Variants in UNC5D observed in about 807,000 individuals in gnomAD.
The protein encoded by UNC5D is unc-5 netrin receptor D.
UNC5D carries 39 observed loss-of-function variants against 105.4 expected under a neutral mutation model. The ratio of observed to expected loss-of-function variants is 0.37; its 90% CI spans 0.29 to 0.48. The LOEUF is 0.48. Ranked by LOEUF, UNC5D falls within the 20% of genes least tolerant of loss-of-function variation. The pLI, the probability that UNC5D is intolerant of heterozygous loss-of-function variation, is 0.98. For missense variants in UNC5D, 991 were observed against 1,202.4 expected, an observed-to-expected ratio of 0.82 and a Z score of 2.60; for synonymous variants, 452 against 450.4, an observed-to-expected ratio of 1.00 and a Z score of -0.04.
intron 1 of UNC5D, among the ~76,000 whole-genome samples, chr8:35,296,972 C>G (rs2128867257): frequency 6.6e-6 from 1 of 152,256 alleles, no homozygotes; most frequent in South Asian, 2.1e-4. Flanking sequence ...TAACAGATTT[C>G]TTAAAGTTGA....
intron 11 of UNC5D, among the ~76,000 whole-genome samples, chr8:35,740,778 A>G (rs1208044600): frequency 6.6e-6 from 1 of 152,164 alleles, no homozygotes; most frequent in Non-Finnish European, 1.5e-5. Flanking sequence ...CCAGCTCTGC[A>G]AAGTTGAGAT....
At chr8:35,762,810 G>A (rs1801599348) in intron 14 of UNC5D, among the ~76,000 whole-genome samples, 1 of 152,132 alleles carries the variant, frequency 6.6e-6, no homozygotes, top group South Asian at 2.1e-4. Flanking sequence ...ACAAAGTCAA[G>A]TTGTCACCTC....
chr8:35,750,991 T>C (rs1016929499), intron 13 of UNC5D, among the ~76,000 whole-genome samples, 182 bp downstream of exon 13: 2 of 152,074 alleles, frequency 1.3e-5, no homozygotes, highest in Non-Finnish European at 2.9e-5. Flanking sequence ...GACAGAGGAA[T>C]TGCAATAAAG....
chr8:35,603,761 T>G (rs1307144125), intron 4 of UNC5D, among the ~76,000 whole-genome samples: 4 of 152,158 alleles, frequency 2.6e-5, no homozygotes. Flanking sequence ...GGATAGTTAG[T>G]TCTTCTTGTT....
Position 35,549,388 on chromosome 8 carries a change from A to G in UNC5D, c.200A>G (p.Lys67Arg), listed in dbSNP as rs747568492. 17 of 1,613,440 alleles carry G rather than the reference A, an allele frequency of 1.1e-5. No individual in the cohort carries two copies. ...GAGCCAGATGATGCTTATATTATCA[A>G]GAGCAACCCTATTGCACTCAGGTGC... ...IEEPDDAYIIKSNPIALRCKA... is the reference protein window; with the variant it reads ...IEEPDDAYIIRSNPIALRCKA... The change falls in exon 2 of 17, where the codon AAG becomes AGG. Residue 67 changes from lysine (K) to arginine (R), a missense_variant. Physicochemically the swap from Lys to Arg is conservative, Grantham distance 26 (BLOSUM62 2). Coordinates refer to ENST00000404895, the MANE Select transcript of UNC5D (RefSeq NM_080872.4).
intron 7 of UNC5D, among the ~76,000 whole-genome samples, chr8:35,705,091 C>T (rs756624281): frequency 2.4e-4 from 36 of 151,842 alleles, no homozygotes; most frequent in Non-Finnish European, 5.0e-4. Flanking sequence ...CAGCCTCCCG[C>T]GTAGCTGGGA....
chr8:35,606,812 A>G (rs1820325201), intron 4 of UNC5D, among the ~76,000 whole-genome samples: 1 of 152,238 alleles, frequency 6.6e-6, no homozygotes, highest in African/African-American at 2.4e-5. Context: ...AGCCACCCAC[A>G]CTGAAGCATC....
At chr8:35,570,465 T>C (rs1269216211) in intron 3 of UNC5D, among the ~76,000 whole-genome samples, 2 of 152,238 alleles carry the variant, frequency 1.3e-5, no homozygotes, top group African/African-American at 2.4e-5. Context: ...CATCGGCTAT[T>C]ATTTTATGAT....
chr8:35,482,127 T>C (rs1810520821), intron 1 of UNC5D, among the ~76,000 whole-genome samples: 1 of 152,236 alleles, frequency 6.6e-6, no homozygotes. Flanking sequence ...CTAGACTGAA[T>C]AGCGAACATC....
chr8:35,504,734 A>C (rs2130280334), intron 1 of UNC5D, among the ~76,000 whole-genome samples: 1 of 152,260 alleles, frequency 6.6e-6, no homozygotes, highest in Non-Finnish European at 1.5e-5. Context: ...TTTTTCTAAA[A>C]TGTTTGATGT....
At position 35,796,155 on chromosome 8, in the gene UNC5D, T is replaced by A. The variant is rs1300912430; in HGVS notation, c.*5592T>A. On this transcript the variant is annotated 3_prime_UTR_variant, in exon 17 of 17. Coordinates refer to ENST00000404895, the MANE Select transcript of UNC5D (RefSeq NM_080872.4). ...GCAGGGCTGAACACTTAATTTGACATGAAGCTGAAGGACTGAGCAAGCCAG... is the reference window on the plus strand; with the variant it reads ...GCAGGGCTGAACACTTAATTTGACAAGAAGCTGAAGGACTGAGCAAGCCAG... 6.6e-6 allele frequency: 1 copy of A among 152,094 alleles called. No individual in the cohort carries two copies. Among genetic ancestry groups the A allele is most frequent in the African/African-American group, 2.4e-5 (1 of 41,416 alleles). 9.4% of individuals were successfully genotyped at this position (152,094 alleles called of 1,614,324 possible).
chr8:35,370,717 T>A (rs925469904), intron 1 of UNC5D, among the ~76,000 whole-genome samples: 4 of 152,202 alleles, frequency 2.6e-5, no homozygotes, highest in African/African-American at 9.6e-5. Context: ...CTATTCTGTT[T>A]GTTGGTATGG....
At chr8:35,341,295 G>A (rs549417823) in intron 1 of UNC5D, among the ~76,000 whole-genome samples, 3 of 152,082 alleles carry the variant, frequency 2.0e-5, no homozygotes, top group Non-Finnish European at 4.4e-5. Flanking sequence ...GGAAAAAAAG[G>A]CATGACCTAC....
At chr8:35,765,685 A>G (rs1801734024) in intron 14 of UNC5D, among the ~76,000 whole-genome samples, 1 of 152,162 alleles carries the variant, frequency 6.6e-6, no homozygotes, top group Non-Finnish European at 1.5e-5. Context: ...AGGGCTCGGG[A>G]ATAACTAGGT....
intron 1 of UNC5D, among the ~76,000 whole-genome samples, chr8:35,509,382 C>T (rs931980473): frequency 8.0e-5 from 12 of 150,402 alleles, no homozygotes; most frequent in African/African-American, 2.5e-4. Context: ...CAAGAAGCAG[C>T]AAGGGAGGAA....
intron 4 of UNC5D, among the ~76,000 whole-genome samples, chr8:35,665,809 A>G (rs186456338): frequency 6.6e-6 from 1 of 152,184 alleles, no homozygotes; most frequent in African/African-American, 2.4e-5. Flanking sequence ...TAATGTATAC[A>G]TTTATGTTCT....
intron 1 of UNC5D, among the ~76,000 whole-genome samples, chr8:35,298,016 G>A (rs1031940767): frequency 1.3e-5 from 2 of 152,106 alleles, no homozygotes; most frequent in African/African-American, 4.8e-5. Context: ...GTCAGTCTCA[G>A]GCTTCACATA....
At chr8:35,419,646 C>T (rs1054810676) in intron 1 of UNC5D, among the ~76,000 whole-genome samples, 1 of 152,100 alleles carries the variant, frequency 6.6e-6, no homozygotes, top group Non-Finnish European at 1.5e-5. Flanking sequence ...TGTTACAGCT[C>T]GTTCGTGTTA....
At position 35,334,935 on chromosome 8, in the gene UNC5D, C is replaced by G. The variant is rs187923340; in HGVS notation, c.103+99048C>G. ...CTCACCCCAGAACTTTCCTCAAACC[C>G]CTGAGTTCCATCCCTAGTCTTTACT... On this transcript the variant is annotated intron_variant, in intron 1 of 16. Transcript: ENST00000404895. Among the ~76,000 whole-genome samples, 7 of 152,260 alleles carry G rather than the reference C, an allele frequency of 4.6e-5. No homozygotes were observed. In the East Asian group the frequency reaches 1.4e-3, roughly 29 times the overall value.
Sources: gnomAD v4.1 joint callset for allele counts (sites outside exome capture counted in the v4.1 genomes callset) on GRCh38, gnomAD v4.1.1 for gene constraint, MANE v1.5 for transcripts, NCBI Gene and HGNC (gene_info 2026-07-23, HGNC 2026-07-21) for gene names.